Variants in PGCKA1 observed in about 807,000 individuals in gnomAD.
PGCKA1 encodes PDCD10 and GCKIII kinases associated 1.
At chr4:37,462,862 G>A in the PGCKA1 span, among the ~76,000 whole-genome samples, 1 of 151,438 alleles carries the variant, frequency 6.6e-6, no homozygotes, top group Non-Finnish European at 1.5e-5. Flanking sequence ...CGGGCTTGGT[G>A]GCAGGTGCCT....
the PGCKA1 span, among the ~76,000 whole-genome samples, chr4:37,485,510 GC>G: frequency 6.6e-6 from 1 of 151,996 alleles, no homozygotes; most frequent in African/African-American, 2.4e-5. Flanking sequence ...TCAGATGGGG[GC>G]CCCTTGACCT....
the PGCKA1 span, among the ~76,000 whole-genome samples, chr4:37,485,856 G>A: frequency 7.0e-4 from 107 of 152,102 alleles, no homozygotes; most frequent in African/African-American, 2.5e-3. Context: ...AGCAGGACAG[G>A]GATCCATGAA....
the PGCKA1 span, among the ~76,000 whole-genome samples, chr4:37,463,806 T>G: frequency 7.6e-6 from 1 of 131,118 alleles, no homozygotes; most frequent in African/African-American, 2.9e-5. Context: ...TACTTTTATA[T>G]AACCAAAAAA....
the PGCKA1 span, among the ~76,000 whole-genome samples, chr4:37,567,793 G>A: frequency 2.4e-4 from 37 of 152,196 alleles, 1 homozygote; most frequent in Admixed American, 2.2e-3. Context: ...TGAAGTCAGC[G>A]ATGTTGCACA....
the PGCKA1 span, among the ~76,000 whole-genome samples, chr4:37,461,581 A>G: frequency 2.6e-5 from 4 of 151,956 alleles, no homozygotes; most frequent in African/African-American, 9.7e-5. Context: ...GAAAGCTTGG[A>G]CGCTGGGCTG....
chr4:37,545,886 C>A, the PGCKA1 span, among the ~76,000 whole-genome samples: 1 of 152,202 alleles, frequency 6.6e-6, no homozygotes. Flanking sequence ...TTCCTTCTTC[C>A]ATGGAAATCT....
the PGCKA1 span, among the ~76,000 whole-genome samples, chr4:37,476,968 T>C: frequency 1.3e-5 from 2 of 152,098 alleles, no homozygotes; most frequent in East Asian, 3.9e-4. Context: ...ATATGGTGCA[T>C]CCATGTTGGG....
the PGCKA1 span, among the ~76,000 whole-genome samples, chr4:37,495,423 A>G: frequency 6.6e-6 from 1 of 152,092 alleles, no homozygotes; most frequent in Non-Finnish European, 1.5e-5. Flanking sequence ...ATAAATACAC[A>G]TGCACATATA....
the PGCKA1 span, among the ~76,000 whole-genome samples, chr4:37,532,548 C>T: frequency 6.6e-6 from 1 of 151,246 alleles, no homozygotes; most frequent in Non-Finnish European, 1.5e-5. Context: ...CTATGTGGTA[C>T]ACATCCTTTA....
At chr4:37,592,208 CAAA>C in the PGCKA1 span, among the ~76,000 whole-genome samples, 20,967 of 93,108 alleles carry the variant, frequency 0.23, 1,825 homozygotes, top group Non-Finnish European at 0.27. Context: ...GACTCCATCT[CAAA>C]AAAAAAAAAA....
chr4:37,563,061 TA>T, the PGCKA1 span, among the ~76,000 whole-genome samples: 74,541 of 151,784 alleles, frequency 0.49, 18,831 homozygotes, highest in East Asian at 0.67. Context: ...CATCTACAAT[TA>T]GGGGACAAAT....
chr4:37,528,152 G>A, the PGCKA1 span, among the ~76,000 whole-genome samples: 2 of 152,196 alleles, frequency 1.3e-5, no homozygotes, highest in South Asian at 2.1e-4. Context: ...GGAGCAGGAA[G>A]TTAGCACTGG....
At chr4:37,502,253 C>A in the PGCKA1 span, among the ~76,000 whole-genome samples, 8 of 152,220 alleles carry the variant, frequency 5.3e-5, no homozygotes, top group Non-Finnish European at 1.0e-4. Context: ...GCATGCCTGT[C>A]GCTATGGTAG....
chr4:37,483,010 A>T, the PGCKA1 span, among the ~76,000 whole-genome samples: 1 of 152,172 alleles, frequency 6.6e-6, no homozygotes, highest in Non-Finnish European at 1.5e-5. Context: ...CCCAAATCTC[A>T]TCCCGAATTG....
the PGCKA1 span, among the ~76,000 whole-genome samples, chr4:37,516,325 A>G: frequency 6.6e-6 from 1 of 152,270 alleles, no homozygotes; most frequent in Non-Finnish European, 1.5e-5. Context: ...TCCTGAACCC[A>G]TTCAGGTTTG....
the PGCKA1 span, among the ~76,000 whole-genome samples, chr4:37,585,003 CT>C: frequency 2.4e-4 from 22 of 90,550 alleles, no homozygotes; most frequent in East Asian, 5.9e-3. Flanking sequence ...TTTTCTTTGA[CT>C]TGTTTTTTTT....
the PGCKA1 span, among the ~76,000 whole-genome samples, chr4:37,495,717 G>T: frequency 2.0e-5 from 3 of 152,116 alleles, no homozygotes. Flanking sequence ...GGGGTTGGGG[G>T]CAAGGGGAGG....
chr4:37,501,182 T>A, the PGCKA1 span, among the ~76,000 whole-genome samples: 132 of 152,102 alleles, frequency 8.7e-4, 1 homozygote, highest in Middle Eastern at 3.4e-3. Context: ...ATTATGTGAT[T>A]TGTTTGTGTG....
At chr4:37,506,727 G>A in the PGCKA1 span, among the ~76,000 whole-genome samples, 1 of 151,746 alleles carries the variant, frequency 6.6e-6, no homozygotes, top group Non-Finnish European at 1.5e-5. Flanking sequence ...AATGATCCTT[G>A]TGCTAAGGAA....
Sources: allele counts gnomAD v4.1 joint callset (sites outside exome capture counted in the v4.1 genomes callset), GRCh38; gene constraint gnomAD v4.1.1; transcripts MANE v1.5; gene names NCBI Gene and HGNC (gene_info 2026-07-23, HGNC 2026-07-21).